TMEM150C: variants seen among roughly 807,000 people sequenced by gnomAD.
The protein encoded by TMEM150C is transmembrane protein 150C.
Under a neutral mutation model 29.9 loss-of-function variants are expected in TMEM150C, and 10 were observed. The ratio of observed to expected loss-of-function variants is 0.33; its 90% CI spans 0.21 to 0.57. The LOEUF (loss-of-function observed/expected upper bound fraction) is 0.57, where lower values mean the gene tolerates loss of function less well. Ranked by LOEUF, TMEM150C falls within the 20% of genes least tolerant of loss-of-function variation. The pLI is 0.88. For missense variants in TMEM150C, 251 were observed against 303.6 expected (o/e 0.83, Z 1.29); for synonymous variants, 101 against 112.5 (o/e 0.90, Z 0.64).
At position 82,540,272 on chromosome 4, in the gene TMEM150C, G is replaced by A. The variant is rs533176183; in HGVS notation, c.-11+21634C>T. On this transcript the variant is annotated intron_variant, in intron 1 of 7. Transcript: ENST00000449862. The stretch of plus-strand genomic sequence containing the variant: ...ACTACAGGTGCATGCCACCATGCCC[G>A]GCTAATTTATTGATGTTTTTGTTGA... Among the ~76,000 whole-genome samples, 102 of 150,852 alleles carry A rather than the reference G, an allele frequency of 6.8e-4. 1 individual carries two copies. Among genetic ancestry groups the A allele is most frequent in the African/African-American group, 2.4e-3 (97 of 41,202 alleles).
intron 1 of TMEM150C, among the ~76,000 whole-genome samples, chr4:82,506,747 T>G (rs1723934679): frequency 6.6e-6 from 1 of 152,240 alleles, no homozygotes; most frequent in South Asian, 2.1e-4. Flanking sequence ...ATTCATTTAT[T>G]TATGTCCAAA....
intron 1 of TMEM150C, among the ~76,000 whole-genome samples, chr4:82,507,725 CTCTTTTTTTTTTTT>C (rs1723979610): frequency 7.2e-5 from 2 of 27,860 alleles, no homozygotes; most frequent in African/African-American, 5.0e-4. Context: ...CTCTCTCTCT[CTCTTTTTTTTTTTT>C]TTTTTTTTTT....
intron 1 of TMEM150C, among the ~76,000 whole-genome samples, chr4:82,528,488 G>C (rs9997544): frequency 0.068 from 10,284 of 152,196 alleles, 563 homozygotes; most frequent in African/African-American, 0.14. Flanking sequence ...GTTCCAAACA[G>C]AGCAGAGGCA....
intron 1 of TMEM150C, among the ~76,000 whole-genome samples, chr4:82,512,875 A>G (rs1724172738): frequency 6.6e-6 from 1 of 152,198 alleles, no homozygotes; most frequent in African/African-American, 2.4e-5. Context: ...TAGGATAGCT[A>G]TTATCAAAAA....
chr4:82,533,233 G>T (rs765806771), intron 1 of TMEM150C, among the ~76,000 whole-genome samples: 1 of 152,046 alleles, frequency 6.6e-6, no homozygotes, highest in African/African-American at 2.4e-5. Context: ...ATAAAGTAAC[G>T]CATTCATTTA....
intron 1 of TMEM150C, among the ~76,000 whole-genome samples, chr4:82,548,492 C>T (rs1404540904): frequency 2.0e-5 from 3 of 152,076 alleles, no homozygotes; most frequent in African/African-American, 7.2e-5. Context: ...GGTCCCAGGG[C>T]AAGTCTACCA....
chr4:82,494,949 G>C, intron 6 of TMEM150C: 1 of 602,698 alleles, frequency 1.7e-6, no homozygotes, highest in South Asian at 1.7e-5. Context: ...TCTCTTGGCC[G>C]AAAGTTTAGC....
intron 1 of TMEM150C, among the ~76,000 whole-genome samples, chr4:82,553,376 T>C (rs946938934): frequency 3.9e-5 from 6 of 152,216 alleles, no homozygotes; most frequent in African/African-American, 1.4e-4. Flanking sequence ...AGGTACAACA[T>C]CAGAGTCATG....
At chr4:82,553,152 G>T (rs961946621) in intron 1 of TMEM150C, among the ~76,000 whole-genome samples, 3 of 152,186 alleles carry the variant, frequency 2.0e-5, no homozygotes, top group Admixed American at 6.5e-5. Context: ...GGCAGTCACA[G>T]GTAACATGTA....
intron 1 of TMEM150C, among the ~76,000 whole-genome samples, chr4:82,525,180 G>A (rs141256025): frequency 6.6e-6 from 1 of 152,284 alleles, no homozygotes; most frequent in African/African-American, 2.4e-5. Context: ...ACCTTTCAAT[G>A]AATAGAAACT....
At chr4:82,529,438 G>A (rs1443556781) in intron 1 of TMEM150C, among the ~76,000 whole-genome samples, 1 of 152,028 alleles carries the variant, frequency 6.6e-6, no homozygotes, top group Non-Finnish European at 1.5e-5. Flanking sequence ...AAAGGCATAT[G>A]TGCCATGCTT....
chr4:82,539,420 T>C (rs1227780637), intron 1 of TMEM150C, among the ~76,000 whole-genome samples: 1 of 152,046 alleles, frequency 6.6e-6, no homozygotes, highest in Non-Finnish European at 1.5e-5. Context: ...TAATGAGTGT[T>C]CATATAATGA....
At chr4:82,527,063 C>A (rs902390531) in intron 1 of TMEM150C, among the ~76,000 whole-genome samples, 1 of 106,492 alleles carries the variant, frequency 9.4e-6, no homozygotes, top group African/African-American at 3.6e-5. Flanking sequence ...TTGCCCATAT[C>A]TCCTATTTTA....
chr4:82,548,188 G>A (rs1363627047), intron 1 of TMEM150C, among the ~76,000 whole-genome samples: 1 of 152,116 alleles, frequency 6.6e-6, no homozygotes, highest in East Asian at 1.9e-4. Context: ...ACCAGAGAGG[G>A]GAGGGAGGAC....
chr4:82,535,898 A>G (rs915175935), intron 1 of TMEM150C, among the ~76,000 whole-genome samples: 1 of 152,058 alleles, frequency 6.6e-6, no homozygotes, highest in African/African-American at 2.4e-5. Flanking sequence ...TTAGCACCAT[A>G]CCTGCCTCTA....
intron 5 of TMEM150C, among the ~76,000 whole-genome samples, chr4:82,500,481 C>G (rs1481264122): frequency 1.3e-5 from 2 of 152,078 alleles, no homozygotes; most frequent in Non-Finnish European, 2.9e-5. Flanking sequence ...AATTTTATGT[C>G]TACCAGATGG....
At chr4:82,535,470 G>C (rs550173586) in intron 1 of TMEM150C, among the ~76,000 whole-genome samples, 2 of 152,294 alleles carry the variant, frequency 1.3e-5, no homozygotes, top group South Asian at 4.1e-4. Flanking sequence ...ATGAGATTTG[G>C]AGGGGAGATT....
intron 1 of TMEM150C, among the ~76,000 whole-genome samples, chr4:82,546,588 G>C (rs1471016132): frequency 4.6e-5 from 7 of 152,186 alleles, no homozygotes; most frequent in Non-Finnish European, 8.8e-5. Flanking sequence ...CAGCACTTTG[G>C]GAGGCCGAGG....
intron 1 of TMEM150C, among the ~76,000 whole-genome samples, chr4:82,526,794 C>T (rs550028835): frequency 1.1e-4 from 16 of 152,264 alleles, no homozygotes; most frequent in African/African-American, 3.4e-4. Flanking sequence ...GCCTCGCTTT[C>T]GATCTTTACT....
Sources: allele counts gnomAD v4.1 joint callset (sites outside exome capture counted in the v4.1 genomes callset), GRCh38; gene constraint gnomAD v4.1.1; transcripts MANE v1.5; gene names NCBI Gene and HGNC (gene_info 2026-07-23, HGNC 2026-07-21).